CELF2: variants seen among roughly 807,000 people sequenced by gnomAD.
CELF2 encodes the protein CUGBP Elav-like family member 2, also known as CUG triplet repeat RNA-binding protein 2.
Under a neutral mutation model 62.6 loss-of-function variants are expected in CELF2, and 8 were observed. The observed-to-expected ratio is 0.13, with a 90% confidence interval of 0.07 to 0.23. The LOEUF (loss-of-function observed/expected upper bound fraction) is 0.23. Among genes scored for constraint, CELF2 ranks in the 10% least tolerant of loss-of-function variants. The pLI is 1.00. For missense variants in CELF2, 333 were observed against 671.0 expected (o/e 0.50, Z 5.56); for synonymous variants, 258 against 250.0 (o/e 1.03, Z -0.30).
the CELF2 span, among the ~76,000 whole-genome samples, chr10:10,684,815 T>G: frequency 1.3e-5 from 2 of 152,066 alleles, no homozygotes; most frequent in African/African-American, 2.4e-5. Flanking sequence ...GAATAGAACG[T>G]GCTATTTTGA....
chr10:10,702,854 G>A, the CELF2 span, among the ~76,000 whole-genome samples: 1 of 152,196 alleles, frequency 6.6e-6, no homozygotes, highest in South Asian at 2.1e-4. Flanking sequence ...AAAGTGCTGG[G>A]ATTACAGGCA....
chr10:10,887,947 A>G (rs1652427668), intron 1 of CELF2, among the ~76,000 whole-genome samples: 2 of 151,962 alleles, frequency 1.3e-5, no homozygotes, highest in African/African-American at 4.8e-5. Context: ...AATTTTTTGT[A>G]TTTTTAGTAG....
intron 1 of CELF2, among the ~76,000 whole-genome samples, chr10:11,073,036 CAA>C (rs1328184987): frequency 1.3e-5 from 2 of 151,864 alleles, no homozygotes; most frequent in Admixed American, 6.6e-5. Context: ...ACTACTAATA[CAA>C]GTTACATATT....
At chr10:10,984,333 G>C (rs1027272226) in intron 2 of CELF2, among the ~76,000 whole-genome samples, 1 of 152,132 alleles carries the variant, frequency 6.6e-6, no homozygotes, top group African/African-American at 2.4e-5. Context: ...AGCAATGCAG[G>C]CTGCCAAGTA....
intron 2 of CELF2, among the ~76,000 whole-genome samples, chr10:11,188,887 G>A (rs2075649484): frequency 6.6e-6 from 1 of 151,940 alleles, no homozygotes; most frequent in Non-Finnish European, 1.5e-5. Context: ...CTTTTCTTCA[G>A]TGTTTAATCT....
chr10:10,536,509 G>A, the CELF2 span, among the ~76,000 whole-genome samples: 6 of 152,138 alleles, frequency 3.9e-5, no homozygotes, highest in East Asian at 1.9e-4. Context: ...AGAATTGAAC[G>A]AATCTCAAGA....
chr10:10,708,198 T>G, the CELF2 span, among the ~76,000 whole-genome samples: 1 of 152,198 alleles, frequency 6.6e-6, no homozygotes, highest in Admixed American at 6.5e-5. Context: ...AGTATTTCAT[T>G]GCACTGGCCT....
intron 1 of CELF2, among the ~76,000 whole-genome samples, chr10:11,119,868 C>CCCCCCCG (rs2057369920): frequency 2.3e-5 from 3 of 130,864 alleles, no homozygotes; most frequent in South Asian, 2.6e-4. Flanking sequence ...TCCGCCTCCC[C>CCCCCCCG]CCCCCCGGCC....
chr10:10,630,973 T>C, the CELF2 span, among the ~76,000 whole-genome samples: 1 of 152,120 alleles, frequency 6.6e-6, no homozygotes, highest in East Asian at 1.9e-4. Flanking sequence ...TGTCATAGAG[T>C]GACAGTTGCC....
At chr10:10,755,052 C>T in the CELF2 span, among the ~76,000 whole-genome samples, 10 of 152,098 alleles carry the variant, frequency 6.6e-5, no homozygotes, top group African/African-American at 1.9e-4. Context: ...TTTAAATATA[C>T]ACCAAGGTTA....
chr10:10,621,243 CAA>C, the CELF2 span, among the ~76,000 whole-genome samples: 2,348 of 45,122 alleles, frequency 0.052, 27 homozygotes, highest in African/African-American at 0.16. Flanking sequence ...GACTCTGACT[CAA>C]AAAAAAAAAA....
At chr10:11,162,603 G>A (rs1305644343) in intron 1 of CELF2, among the ~76,000 whole-genome samples, 1 of 149,380 alleles carries the variant, frequency 6.7e-6, no homozygotes, top group African/African-American at 2.5e-5. Context: ...AGCCTAAACT[G>A]GGGTGGGGGG....
At chr10:10,711,622 C>T in the CELF2 span, among the ~76,000 whole-genome samples, 3 of 152,184 alleles carry the variant, frequency 2.0e-5, no homozygotes, top group Non-Finnish European at 2.9e-5. Context: ...TGGCTCACGC[C>T]TGTAATCCTA....
the CELF2 span, among the ~76,000 whole-genome samples, chr10:10,533,855 T>TA: frequency 1.3e-3 from 203 of 152,304 alleles, 1 homozygote; most frequent in African/African-American, 4.7e-3. Flanking sequence ...GGCACACAGA[T>TA]ATCTACTTGG....
intron 8 of CELF2, among the ~76,000 whole-genome samples, chr10:11,278,576 CAG>C (rs1188386895): frequency 6.6e-6 from 1 of 152,166 alleles, no homozygotes; most frequent in Non-Finnish European, 1.5e-5. Flanking sequence ...ACTATCAACT[CAG>C]AAGATCATAT....
At chr10:10,869,412 A>G (rs1431234193) in intron 1 of CELF2, among the ~76,000 whole-genome samples, 2 of 152,068 alleles carry the variant, frequency 1.3e-5, no homozygotes, top group Admixed American at 6.5e-5. Flanking sequence ...AAATACAAAA[A>G]TTAATTGGGC....
chr10:11,236,695 T>A (rs1269306540), intron 3 of CELF2, among the ~76,000 whole-genome samples: 3 of 152,214 alleles, frequency 2.0e-5, no homozygotes, highest in Non-Finnish European at 2.9e-5. Context: ...CCCATGTTTT[T>A]AAAAAACTAC....
At chr10:10,829,573 T>C (rs921618817) in intron 1 of CELF2, among the ~76,000 whole-genome samples, 4 of 152,220 alleles carry the variant, frequency 2.6e-5, no homozygotes, top group Non-Finnish European at 4.4e-5. Flanking sequence ...CTTAAATATC[T>C]TTATTCCTTC....
chr10:10,815,847 A>C (rs2056409162), intron 1 of CELF2, among the ~76,000 whole-genome samples: 1 of 151,648 alleles, frequency 6.6e-6, no homozygotes, highest in African/African-American at 2.4e-5. Flanking sequence ...TTCAAACACC[A>C]TAGAGAAAGT....
Sources: gnomAD v4.1 joint callset for allele counts (sites outside exome capture counted in the v4.1 genomes callset) on GRCh38, gnomAD v4.1.1 for gene constraint, MANE v1.5 for transcripts, NCBI Gene and HGNC (gene_info 2026-07-23, HGNC 2026-07-21) for gene names.